The following MAST4 variants were observed in gnomAD, a reference collection of about 807,000 sequenced individuals.
MAST4 encodes the protein microtubule associated serine/threonine kinase family member 4, also known as microtubule-associated serine/threonine-protein kinase 4.
MAST4 carries 89 observed loss-of-function variants against 162.7 expected under a neutral mutation model. That is an observed-to-expected ratio of 0.55 (90% CI 0.46 to 0.65). The LOEUF is 0.65. Among genes scored for constraint, MAST4 ranks in the 30% least tolerant of loss-of-function variants. The pLI is 0.00. For synonymous variants in MAST4, 1,479 were observed against 1,361.1 expected (o/e 1.09, Z -1.91); for missense variants, 3,153 against 3,374.0 (o/e 0.93, Z 1.62).
intron 4 of MAST4, among the ~76,000 whole-genome samples, chr5:67,049,540 C>T (rs1323601635): frequency 6.6e-6 from 1 of 152,114 alleles, no homozygotes; most frequent in Non-Finnish European, 1.5e-5. Flanking sequence ...AGCAGATGTT[C>T]ATGGACAGTA....
At chr5:66,887,020 C>T (rs1427741187) in intron 3 of MAST4, among the ~76,000 whole-genome samples, 1 of 152,092 alleles carries the variant, frequency 6.6e-6, no homozygotes, top group Non-Finnish European at 1.5e-5. Context: ...ATTAAAACCC[C>T]AGAGCCTTTT....
At chr5:66,837,396 A>G (rs2149776752) in intron 3 of MAST4, among the ~76,000 whole-genome samples, 1 of 152,252 alleles carries the variant, frequency 6.6e-6, no homozygotes, top group South Asian at 2.1e-4. Context: ...GTTTTACTTT[A>G]TAATTAGTTA....
chr5:67,161,825 C>A (rs913908383), intron 27 of MAST4, among the ~76,000 whole-genome samples: 8 of 152,120 alleles, frequency 5.3e-5, no homozygotes, highest in African/African-American at 1.9e-4. Context: ...TCATTTAGAA[C>A]AAATTGTTTC....
chr5:67,042,249 T>C (rs780722077), intron 4 of MAST4, among the ~76,000 whole-genome samples: 1 of 152,146 alleles, frequency 6.6e-6, no homozygotes, highest in Non-Finnish European at 1.5e-5. Flanking sequence ...CGTTGGCAAG[T>C]CACTTCGTTG....
chr5:67,153,338 A>T (rs1329324490), intron 25 of MAST4, 120 bp from the exon 26 acceptor site: 1 of 1,036,026 alleles, frequency 9.7e-7, no homozygotes, highest in Non-Finnish European at 1.3e-6. Flanking sequence ...CGTACCTGTT[A>T]GATTTTCTAT....
At chr5:67,106,743 A>G (rs1765642281) in intron 10 of MAST4, among the ~76,000 whole-genome samples, 1 of 152,164 alleles carries the variant, frequency 6.6e-6, no homozygotes, top group Non-Finnish European at 1.5e-5. Flanking sequence ...CTCTCAATGC[A>G]TTTAGCCATA....
intron 2 of MAST4, among the ~76,000 whole-genome samples, chr5:66,772,225 C>A (rs1309103920): frequency 6.6e-6 from 1 of 152,124 alleles, no homozygotes; most frequent in South Asian, 2.1e-4. Context: ...GTGGGTGGTA[C>A]CATTTCACAC....
At chr5:66,711,570 C>A (rs1030683659) in intron 1 of MAST4, among the ~76,000 whole-genome samples, 3 of 152,202 alleles carry the variant, frequency 2.0e-5, no homozygotes, top group African/African-American at 7.2e-5. Context: ...AGCAGTGGCT[C>A]ATGCTTGTAA....
At chr5:66,656,154 G>T (rs1458947853) in intron 1 of MAST4, among the ~76,000 whole-genome samples, 1 of 152,198 alleles carries the variant, frequency 6.6e-6, no homozygotes, top group Non-Finnish European at 1.5e-5. Context: ...GCACAAGGGG[G>T]CCTGGTACAG....
chr5:66,654,752 A>G (rs73764801), intron 1 of MAST4, among the ~76,000 whole-genome samples: 4 of 152,270 alleles, frequency 2.6e-5, no homozygotes, highest in African/African-American at 9.6e-5. Flanking sequence ...TTAAGCAGGA[A>G]ACAAACAAGA....
intron 1 of MAST4, among the ~76,000 whole-genome samples, chr5:66,612,341 C>T (rs1313247055): frequency 6.6e-6 from 1 of 152,156 alleles, no homozygotes; most frequent in Non-Finnish European, 1.5e-5. Context: ...TGCACTGCTT[C>T]ACATAACGAG....
At chr5:66,731,076 A>G (rs1751819461) in intron 1 of MAST4, among the ~76,000 whole-genome samples, 1 of 152,136 alleles carries the variant, frequency 6.6e-6, no homozygotes, top group Non-Finnish European at 1.5e-5. Context: ...GCATTATCCC[A>G]CCTCTGAAAA....
chr5:66,597,166 G>T, intron 1 of MAST4, 148 bp downstream of exon 1: 1 of 1,085,096 alleles, frequency 9.2e-7, no homozygotes, highest in Non-Finnish European at 1.2e-6. Flanking sequence ...ACGGGACAAC[G>T]ATAGTTAGGA....
At chr5:66,870,781 G>A (rs972030976) in intron 3 of MAST4, 4 of 471,252 alleles carry the variant, frequency 8.5e-6, no homozygotes, top group African/African-American at 4.0e-5. Flanking sequence ...CTGTCAGGAA[G>A]GGCAGCCTCC....
At chr5:67,145,411 C>A in intron 23 of MAST4, 32 bp downstream of exon 23, 1 of 1,578,494 alleles carries the variant, frequency 6.3e-7, no homozygotes, top group South Asian at 1.1e-5. Flanking sequence ...CTGCTGTCCT[C>A]CTCACCACAC....
In MAST4 at chr5:66,883,246, T is replaced by G. The variant is rs190368362; in HGVS notation, c.643-16705T>G. On this transcript the variant is annotated intron_variant, in intron 3 of 28. Coordinates refer to ENST00000403625, the MANE Select transcript of MAST4 (RefSeq NM_001164664.2). ...CTACTTTTCACTTCTAGCTTTTCTTTCTGTCTTCACTCATATTGTGAGCAG... is the reference window on the plus strand; with the variant it reads ...CTACTTTTCACTTCTAGCTTTTCTTGCTGTCTTCACTCATATTGTGAGCAG... Among the ~76,000 whole-genome samples the G allele has an allele frequency of 8.6e-4, 131 of 152,238 alleles. 2 individuals carry two copies. The highest frequency in any genetic ancestry group is 1.5e-4 in the Non-Finnish European group (10 of 68,010).
intron 1 of MAST4, among the ~76,000 whole-genome samples, chr5:66,691,198 T>A (rs1749017312): frequency 6.6e-6 from 1 of 152,134 alleles, no homozygotes; most frequent in Non-Finnish European, 1.5e-5. Context: ...TACTAAAAAA[T>A]TTTGAAAAAA....
rs146918101 is a variant in MAST4 at position 66,678,901 on chromosome 5, C to T, written c.364-80808C>T. Among the ~76,000 whole-genome samples, 1,263 of 152,194 alleles carry T rather than the reference C, an allele frequency of 8.3e-3. 16 individuals are homozygous for T. The highest frequency in any genetic ancestry group is 0.028 in the African/African-American group (1,161 of 41,512). On this transcript the variant is annotated intron_variant, in intron 1 of 28. Transcript: ENST00000403625. ...CCGCCTCCTGGGTTTAAGCAATTCT[C>T]CTGCCTCAGCCTCTCAAGTAGCTGG...
rs920269682 is a variant in MAST4, at chr5:67,167,905, A to G, written c.*854A>G. 6.6e-6 allele frequency: 1 copy of G among 152,216 alleles called. No individual in the cohort carries two copies. Among genetic ancestry groups the G allele is most frequent in the African/African-American group, 2.4e-5 (1 of 41,430 alleles). 9.4% of individuals were successfully genotyped at this position (152,216 alleles called of 1,614,324 possible). A position where few individuals can be genotyped will look rare whatever the true frequency, so the allele number is the denominator to read the frequency against. On this transcript the variant is annotated 3_prime_UTR_variant, in exon 29 of 29. Transcript: ENST00000403625. Reference sequence around the variant, plus strand: ...CTGAGGTAGAGCGGGGACTATAAACACACATCAACTTTCTTTCTGTTTGCT... The same window carrying G: ...CTGAGGTAGAGCGGGGACTATAAACGCACATCAACTTTCTTTCTGTTTGCT...
Sources: gnomAD v4.1 joint callset for allele counts (sites outside exome capture counted in the v4.1 genomes callset) on GRCh38, gnomAD v4.1.1 for gene constraint, MANE v1.5 for transcripts, NCBI Gene and HGNC (gene_info 2026-07-23, HGNC 2026-07-21) for gene names.